The following FHIT variants were observed in gnomAD, a reference collection of about 807,000 sequenced individuals.
FHIT encodes the protein fragile histidine triad diadenosine triphosphatase.
FHIT carries 19 observed loss-of-function variants against 17.9 expected under a neutral mutation model. That is an observed-to-expected ratio of 1.06 (90% CI 0.74 to 1.56). The LOEUF (loss-of-function observed/expected upper bound fraction) is 1.56, where lower values mean the gene tolerates loss of function less well. Among genes scored for constraint, FHIT ranks in the 40% most tolerant of loss-of-function variants. The pLI is 0.00. For synonymous variants in FHIT, 81 were observed against 69.7 expected, an observed-to-expected ratio of 1.16 and a Z score of -0.81; for missense variants, 248 against 189.2, an observed-to-expected ratio of 1.31 and a Z score of -1.82.
At chr3:60,173,756 C>A (rs1410184278) in intron 5 of FHIT, among the ~76,000 whole-genome samples, 1 of 151,300 alleles carries the variant, frequency 6.6e-6, no homozygotes, top group East Asian at 2.0e-4. Flanking sequence ...GGAGCCCTTT[C>A]TCTGGGTTTT....
chr3:60,424,781 G>GAA, intron 5 of FHIT, among the ~76,000 whole-genome samples: 1 of 150,684 alleles, frequency 6.6e-6, no homozygotes, highest in East Asian at 2.0e-4. Context: ...ATTGTGAAAA[G>GAA]AAAAAAAAAT....
At chr3:60,231,835 T>C (rs1259886930) in intron 5 of FHIT, among the ~76,000 whole-genome samples, 1 of 152,218 alleles carries the variant, frequency 6.6e-6, no homozygotes, top group Non-Finnish European at 1.5e-5. Context: ...ATTTTACAGA[T>C]GTAATTCAAG....
intron 3 of FHIT, among the ~76,000 whole-genome samples, chr3:61,037,072 C>T (rs1489465172): frequency 1.3e-5 from 2 of 152,052 alleles, no homozygotes; most frequent in African/African-American, 4.8e-5. Flanking sequence ...CCACTGCACC[C>T]GGCTAATTTT....
At chr3:60,512,482 T>TAAATTC (rs1328489173) in intron 5 of FHIT, among the ~76,000 whole-genome samples, 1 of 152,238 alleles carries the variant, frequency 6.6e-6, no homozygotes, top group East Asian at 1.9e-4. Flanking sequence ...TCGACCAGCA[T>TAAATTC]AGTTCTCCTT....
chr3:60,543,906 G>C lies in FHIT; in HGVS notation c.-17-6927C>G, dbSNP rs1250628962. On this transcript the variant is annotated intron_variant, in intron 4 of 9. Transcript: ENST00000492590. ...ACTACAAGCGCCCGCACCACGCCCG[G>C]CTTTTTTTTTTTTTTTTTTTTTTTT... 6.4e-4 allele frequency among the ~76,000 whole-genome samples: 7 copies of C among 10,922 alleles called. No individual in the cohort carries two copies. The South Asian group carries it at 0.073, about 114-fold the overall frequency. 7.2% of individuals were successfully genotyped at this position (10,922 alleles called of 152,430 possible). A position where few individuals can be genotyped will look rare whatever the true frequency, so the allele number is the denominator to read the frequency against.
At chr3:60,942,501 C>T (rs1465985733) in intron 3 of FHIT, among the ~76,000 whole-genome samples, 1 of 152,048 alleles carries the variant, frequency 6.6e-6, no homozygotes, top group Non-Finnish European at 1.5e-5. Flanking sequence ...TTTTGACCTT[C>T]TATTTTCAAT....
intron 3 of FHIT, among the ~76,000 whole-genome samples, chr3:60,950,942 T>C (rs927355862): frequency 4.6e-5 from 7 of 152,112 alleles, no homozygotes; most frequent in East Asian, 1.9e-4. Context: ...AGCAGCTTCA[T>C]TGTGACCATG....
At chr3:60,999,738 C>T (rs2030933740) in intron 3 of FHIT, among the ~76,000 whole-genome samples, 1 of 151,894 alleles carries the variant, frequency 6.6e-6, no homozygotes, top group African/African-American at 2.4e-5. Flanking sequence ...AAGGAGAAGT[C>T]CCAATGGTAG....
intron 3 of FHIT, among the ~76,000 whole-genome samples, chr3:61,031,397 C>G (rs887612570): frequency 7.2e-5 from 11 of 152,288 alleles, no homozygotes; most frequent in East Asian, 1.9e-4. Flanking sequence ...AATGCAAAAT[C>G]AGAGTTGCCC....
chr3:59,831,863 G>A (rs1368158118), intron 8 of FHIT, among the ~76,000 whole-genome samples: 2 of 152,084 alleles, frequency 1.3e-5, no homozygotes, highest in African/African-American at 2.4e-5. Flanking sequence ...GGTTTAAAGG[G>A]TATTGCTCCC....
chr3:60,658,340 C>T (rs1454040433), intron 4 of FHIT, among the ~76,000 whole-genome samples: 1 of 152,066 alleles, frequency 6.6e-6, no homozygotes, highest in Non-Finnish European at 1.5e-5. Flanking sequence ...TTTCTACACA[C>T]CTTACAGTTT....
Position 60,553,059 on chromosome 3 carries a change from C to T in FHIT, c.-17-16080G>A, listed in dbSNP as rs545186344. On this transcript the variant is annotated intron_variant, in intron 4 of 9. Coordinates refer to ENST00000492590, the MANE Select transcript of FHIT (RefSeq NM_002012.4). ...GGCTCCTCCCTTGGGCCCTGAGCTG[C>T]CAAGACAGGCTCTGGCCACCTGAGA... Among the ~76,000 whole-genome samples the T allele has an allele frequency of 5.6e-4, 85 of 152,260 alleles. 1 individual carries two copies. Among genetic ancestry groups the T allele is most frequent in the African/African-American group, 2.0e-3 (83 of 41,556 alleles).
intron 5 of FHIT, among the ~76,000 whole-genome samples, chr3:60,066,862 T>C (rs959848599): frequency 6.6e-6 from 1 of 151,934 alleles, no homozygotes; most frequent in African/African-American, 2.4e-5. Context: ...TTCACCGTGG[T>C]CTCGATCTCC....
intron 7 of FHIT, among the ~76,000 whole-genome samples, chr3:59,980,529 G>T (rs1445507003): frequency 6.6e-6 from 1 of 152,142 alleles, no homozygotes; most frequent in Non-Finnish European, 1.5e-5. Context: ...AGATGGATGG[G>T]ATGATAGCAG....
intron 3 of FHIT, among the ~76,000 whole-genome samples, chr3:60,969,202 A>AATAG (rs1350710008): frequency 7.9e-5 from 12 of 152,132 alleles, no homozygotes; most frequent in African/African-American, 2.4e-4. Context: ...TAATTTCTGT[A>AATAG]ATAGATATAG....
chr3:60,660,573 C>T (rs1369020671), intron 4 of FHIT, among the ~76,000 whole-genome samples: 5 of 152,000 alleles, frequency 3.3e-5, no homozygotes, highest in African/African-American at 1.2e-4. Flanking sequence ...TGAGGAGATA[C>T]ATTCCTGGTG....
chr3:60,814,085 T>C (rs1701655787), intron 4 of FHIT, among the ~76,000 whole-genome samples: 1 of 152,172 alleles, frequency 6.6e-6, no homozygotes, highest in Admixed American at 6.5e-5. Context: ...ATTTGTTTGG[T>C]TTCTTTGCCC....
chr3:60,660,727 C>CTTTTTTTTTTTTTTTTTTTTTTTTTTTT (rs1220817643), intron 4 of FHIT, among the ~76,000 whole-genome samples: 8 of 16,754 alleles, frequency 4.8e-4, no homozygotes, highest in African/African-American at 9.5e-4. Context: ...TTTTATTGTG[C>CTTTTTTTTTTTTTTTTTTTTTTTTTTTT]TCTTTTTTTT....
intron 4 of FHIT, among the ~76,000 whole-genome samples, chr3:60,753,895 T>C (rs1440871732): frequency 6.6e-6 from 1 of 151,918 alleles, no homozygotes; most frequent in Non-Finnish European, 1.5e-5. Flanking sequence ...TTTTTAAGTA[T>C]GTAAGGCCTG....
Sources: gnomAD v4.1 joint callset for allele counts (sites outside exome capture counted in the v4.1 genomes callset) on GRCh38, gnomAD v4.1.1 for gene constraint, MANE v1.5 for transcripts, NCBI Gene and HGNC (gene_info 2026-07-23, HGNC 2026-07-21) for gene names.